TMEM108: variants seen among roughly 807,000 people sequenced by gnomAD.
TMEM108 encodes cancer/testis antigen 124.
In TMEM108, 12 loss-of-function variants were observed where a neutral mutation model predicts 35.1. That is an observed-to-expected ratio of 0.34 (90% CI 0.22 to 0.55). The LOEUF (loss-of-function observed/expected upper bound fraction) is 0.55. Ranked by LOEUF, TMEM108 falls within the 20% of genes least tolerant of loss-of-function variation. The pLI is 0.89. For synonymous variants in TMEM108, 287 were observed against 308.6 expected (o/e 0.93, Z 0.73); for missense variants, 680 against 753.3 (o/e 0.90, Z 1.14).
intron 4 of TMEM108, chr3:133,388,380 C>CTG (rs3054629): frequency 0.51 from 504,670 of 984,956 alleles, 129,359 homozygotes; most frequent in Non-Finnish European, 0.52. Flanking sequence ...AGTTTTTCCT[C>CTG]TAGAATAAGG....
At chr3:133,272,258 A>G (rs1946781267) in intron 3 of TMEM108, among the ~76,000 whole-genome samples, 1 of 142,626 alleles carries the variant, frequency 7.0e-6, no homozygotes, top group South Asian at 2.2e-4. Flanking sequence ...CCTTATAAGA[A>G]CACCATACAC....
intron 2 of TMEM108, among the ~76,000 whole-genome samples, chr3:133,097,984 G>T (rs1333150310): frequency 1.3e-5 from 2 of 152,188 alleles, no homozygotes; most frequent in Admixed American, 1.3e-4. Context: ...TTGTGAGGCG[G>T]TATTACAAAA....
At chr3:133,087,365 C>T (rs895388787) in intron 2 of TMEM108, among the ~76,000 whole-genome samples, 19 of 152,222 alleles carry the variant, frequency 1.2e-4, no homozygotes, top group African/African-American at 4.1e-4. Flanking sequence ...CTGGAACTAT[C>T]TCCCAGGCTT....
At chr3:133,218,119 A>G (rs565041284) in intron 2 of TMEM108, among the ~76,000 whole-genome samples, 6 of 152,062 alleles carry the variant, frequency 3.9e-5, no homozygotes, top group African/African-American at 1.4e-4. Flanking sequence ...TTCTGTGTAC[A>G]GGTCTTCCAT....
intron 3 of TMEM108, among the ~76,000 whole-genome samples, chr3:133,270,056 A>G (rs1018767320): frequency 6.6e-5 from 10 of 152,196 alleles, no homozygotes. Flanking sequence ...TCTCAGCTTA[A>G]TAGGCATCAT....
intron 2 of TMEM108, among the ~76,000 whole-genome samples, chr3:133,170,981 T>C (rs944641185): frequency 1.5e-4 from 23 of 152,218 alleles, no homozygotes. Context: ...AAAACAGATA[T>C]TGTTAGCAGG....
At chr3:133,350,950 A>G (rs1052564207) in intron 3 of TMEM108, among the ~76,000 whole-genome samples, 2 of 152,218 alleles carry the variant, frequency 1.3e-5, no homozygotes, top group African/African-American at 4.8e-5. Context: ...ATTGACATCC[A>G]GGATTCCCTA....
chr3:133,069,424 C>T (rs568301729), intron 2 of TMEM108, among the ~76,000 whole-genome samples: 1 of 152,102 alleles, frequency 6.6e-6, no homozygotes, highest in Non-Finnish European at 1.5e-5. Context: ...TTTACTCCCT[C>T]AGGACTCCTT....
intron 2 of TMEM108, among the ~76,000 whole-genome samples, chr3:133,215,039 T>C (rs1268636778): frequency 6.6e-6 from 1 of 152,164 alleles, no homozygotes; most frequent in East Asian, 1.9e-4. Context: ...TGTTGAATTA[T>C]CTAATTTGGA....
intron 3 of TMEM108, among the ~76,000 whole-genome samples, chr3:133,340,480 C>T (rs1576470274): frequency 1.3e-5 from 2 of 151,424 alleles, no homozygotes; most frequent in African/African-American, 4.8e-5. Flanking sequence ...TCTCTGATGA[C>T]CAAACATTTA....
chr3:133,075,738 A>G (rs747870352), intron 2 of TMEM108, among the ~76,000 whole-genome samples: 10 of 152,150 alleles, frequency 6.6e-5, no homozygotes, highest in Non-Finnish European at 1.5e-4. Flanking sequence ...CTGGGAAAAT[A>G]TCAGAAAAGA....
intron 2 of TMEM108, among the ~76,000 whole-genome samples, chr3:133,178,764 C>G (rs1369714633): frequency 1.3e-5 from 2 of 152,278 alleles, no homozygotes; most frequent in Non-Finnish European, 2.9e-5. Context: ...GACTTCATGT[C>G]TAAAACACCA....
chr3:133,076,992 G>C (rs1235176565), intron 2 of TMEM108, among the ~76,000 whole-genome samples: 1 of 152,234 alleles, frequency 6.6e-6, no homozygotes, highest in Admixed American at 6.5e-5. Context: ...GAGGGCTGGG[G>C]CACTGCCTCA....
chr3:133,378,170 C>T (rs1443577858), intron 3 of TMEM108, among the ~76,000 whole-genome samples: 1 of 152,220 alleles, frequency 6.6e-6, no homozygotes, highest in Non-Finnish European at 1.5e-5. Context: ...GTGGGTGCTA[C>T]AGCCTCAGTG....
chr3:133,078,253 A>G (rs1245413339), intron 2 of TMEM108, among the ~76,000 whole-genome samples: 1 of 151,684 alleles, frequency 6.6e-6, no homozygotes, highest in Non-Finnish European at 1.5e-5. Flanking sequence ...TGTGGACGAC[A>G]GGGCATATAC....
intron 2 of TMEM108, among the ~76,000 whole-genome samples, chr3:133,210,311 T>C (rs186253340): frequency 6.6e-6 from 1 of 152,328 alleles, no homozygotes; most frequent in African/African-American, 2.4e-5. Flanking sequence ...GGATGTAGCA[T>C]GGCATAAGCA....
chr3:133,362,860 G>A (rs1286248749), intron 3 of TMEM108, among the ~76,000 whole-genome samples: 1 of 152,140 alleles, frequency 6.6e-6, no homozygotes, highest in Non-Finnish European at 1.5e-5. Flanking sequence ...TTGAGGTCAC[G>A]CTTTACAAAT....
At chr3:133,224,354 C>T (rs1328399694) in intron 2 of TMEM108, among the ~76,000 whole-genome samples, 1 of 152,164 alleles carries the variant, frequency 6.6e-6, no homozygotes, top group Non-Finnish European at 1.5e-5. Flanking sequence ...TGTTTTGTGT[C>T]AGACTTTTAC....
chr3:133,193,882 T>C (rs1945537155), intron 2 of TMEM108, among the ~76,000 whole-genome samples: 1 of 152,112 alleles, frequency 6.6e-6, no homozygotes, highest in East Asian at 1.9e-4. Context: ...TTATAAAATA[T>C]TTAATTGTAA....
Sources: gnomAD v4.1 joint callset for allele counts (sites outside exome capture counted in the v4.1 genomes callset) on GRCh38, gnomAD v4.1.1 for gene constraint, MANE v1.5 for transcripts, NCBI Gene and HGNC (gene_info 2026-07-23, HGNC 2026-07-21) for gene names.